Variants in ARHGAP42 observed in about 807,000 individuals in gnomAD.
ARHGAP42 encodes rho GTPase-activating protein 42.
A neutral mutation model predicts 125.0 loss-of-function variants in ARHGAP42; 63 were observed. The ratio of observed to expected loss-of-function variants is 0.50; its 90% confidence interval spans 0.41 to 0.62. The LOEUF is 0.62. ARHGAP42 is among the 20% of genes least tolerant of loss of function. The pLI, the probability that ARHGAP42 is intolerant of heterozygous loss-of-function variation, is 0.00. For missense variants in ARHGAP42, 766 were observed against 1,024.2 expected, an observed-to-expected ratio of 0.75 and a Z score of 3.44; for synonymous variants, 339 against 351.0, an observed-to-expected ratio of 0.97 and a Z score of 0.38.
chr11:100,822,342 A>T (rs17652307), intron 3 of ARHGAP42, among the ~76,000 whole-genome samples: 1 of 152,002 alleles, frequency 6.6e-6, no homozygotes, highest in Non-Finnish European at 1.5e-5. Flanking sequence ...TTAGTGTCCA[A>T]ATGAGTTTCT....
intron 1 of ARHGAP42, among the ~76,000 whole-genome samples, chr11:100,765,367 T>G (rs1591162664): frequency 1.3e-5 from 2 of 151,996 alleles, no homozygotes; most frequent in South Asian, 4.1e-4. Context: ...AGTGTGGCAA[T>G]GTGGTGAACT....
chr11:100,731,488 A>G (rs1425445305), intron 1 of ARHGAP42, among the ~76,000 whole-genome samples: 1 of 152,156 alleles, frequency 6.6e-6, no homozygotes, highest in Non-Finnish European at 1.5e-5. Flanking sequence ...CAACACAGTA[A>G]ATAACTTCAT....
intron 2 of ARHGAP42, among the ~76,000 whole-genome samples, chr11:100,785,499 A>T (rs1350686182): frequency 1.3e-5 from 2 of 152,226 alleles, no homozygotes; most frequent in Non-Finnish European, 2.9e-5. Context: ...TGTGAATTAC[A>T]GAGAAGAGGT....
intron 2 of ARHGAP42, among the ~76,000 whole-genome samples, chr11:100,793,389 A>C (rs1352670990): frequency 1.3e-5 from 2 of 152,188 alleles, no homozygotes; most frequent in African/African-American, 4.8e-5. Flanking sequence ...TTCTGAAGAG[A>C]TCTCTTTTAT....
chr11:100,901,021 G>T (rs1866531063), intron 4 of ARHGAP42, among the ~76,000 whole-genome samples: 1 of 152,104 alleles, frequency 6.6e-6, no homozygotes, highest in African/African-American at 2.4e-5. Flanking sequence ...CCCCATCTCT[G>T]TGGTTTTATC....
chr11:100,824,632 G>T (rs962136551), intron 3 of ARHGAP42, among the ~76,000 whole-genome samples: 1 of 152,194 alleles, frequency 6.6e-6, no homozygotes, highest in Non-Finnish European at 1.5e-5. Flanking sequence ...AGTGAAAAAT[G>T]TAGGGCTCTA....
At chr11:100,894,653 TTCACAA>T (rs1866300039) in intron 4 of ARHGAP42, among the ~76,000 whole-genome samples, 1 of 152,194 alleles carries the variant, frequency 6.6e-6, no homozygotes, top group African/African-American at 2.4e-5. Context: ...TCATGTTTGC[TTCACAA>T]GCAGACAGCT....
chr11:100,827,153 C>T (rs1565230905), intron 3 of ARHGAP42, among the ~76,000 whole-genome samples: 2 of 151,866 alleles, frequency 1.3e-5, no homozygotes, highest in Admixed American at 6.6e-5. Context: ...ACATGGGCTG[C>T]CACCACGCCC....
chr11:100,925,279 G>A (rs79712612), intron 6 of ARHGAP42, among the ~76,000 whole-genome samples: 13,922 of 151,974 alleles, frequency 0.092, 926 homozygotes, highest in Non-Finnish European at 0.13. Flanking sequence ...TCTAAGTTAG[G>A]ATGTGCTGTA....
chr11:100,761,113 C>T (rs1862691681), intron 1 of ARHGAP42, among the ~76,000 whole-genome samples: 1 of 151,358 alleles, frequency 6.6e-6, no homozygotes, highest in South Asian at 2.1e-4. Context: ...TATTGGGTAA[C>T]TTAGTATTTG....
chr11:100,698,330 G>A (rs1304706652), intron 1 of ARHGAP42, among the ~76,000 whole-genome samples: 1 of 152,188 alleles, frequency 6.6e-6, no homozygotes, highest in African/African-American at 2.4e-5. Context: ...AATTAGCTGG[G>A]TGTGGTGGTG....
At chr11:100,874,660 T>C (rs977537827) in intron 4 of ARHGAP42, among the ~76,000 whole-genome samples, 1 of 152,224 alleles carries the variant, frequency 6.6e-6, no homozygotes, top group African/African-American at 2.4e-5. Flanking sequence ...TTTGCCTTTT[T>C]CATTCTCTGC....
In ARHGAP42 at chr11:100,928,592, G is replaced by GA. The variant is rs1198455803; in HGVS notation, c.598-4554dup. Among the ~76,000 whole-genome samples, 12 of 142,688 alleles carry GA rather than the reference G, an allele frequency of 8.4e-5. No homozygotes were observed. The South Asian group carries it at 8.8e-4, about 10-fold the overall frequency. 93.6% of individuals were successfully genotyped at this position (142,688 alleles called of 152,430 possible). On this transcript the variant is annotated intron_variant, in intron 6 of 23. Transcript: ENST00000298815. ...AAGGGTGAGACCTTGTCTCAAAAAA[G>GA]AAAAAAAAAAGTCATAAAGATACAA...
chr11:100,895,366 T>C (rs1436201407), intron 4 of ARHGAP42, among the ~76,000 whole-genome samples: 2 of 152,192 alleles, frequency 1.3e-5, no homozygotes, highest in African/African-American at 4.8e-5. Flanking sequence ...TGTCTCTGTC[T>C]GTATTTCTCT....
intron 4 of ARHGAP42, among the ~76,000 whole-genome samples, chr11:100,889,616 G>A (rs1331821839): frequency 6.6e-6 from 1 of 152,104 alleles, no homozygotes; most frequent in Non-Finnish European, 1.5e-5. Context: ...TCCCATCTTA[G>A]CACATTTAAT....
intron 3 of ARHGAP42, among the ~76,000 whole-genome samples, chr11:100,819,877 C>T (rs1425144763): frequency 6.6e-6 from 1 of 152,094 alleles, no homozygotes; most frequent in African/African-American, 2.4e-5. Flanking sequence ...TTTAGGAATT[C>T]TTGATTTAAG....
chr11:100,821,666 CA>C (rs1864408774), intron 3 of ARHGAP42, among the ~76,000 whole-genome samples: 2 of 151,870 alleles, frequency 1.3e-5, no homozygotes, highest in Admixed American at 1.3e-4. Flanking sequence ...AAGAAAGCAG[CA>C]GACATCTTTC....
intron 6 of ARHGAP42, among the ~76,000 whole-genome samples, chr11:100,922,604 T>C (rs80296460): frequency 0.01 from 1,524 of 152,276 alleles, 22 homozygotes; most frequent in African/African-American, 0.034. Context: ...AAAAAATCCA[T>C]TCATAATAAA....
chr11:100,693,357 CA>C (rs1312248930), intron 1 of ARHGAP42, among the ~76,000 whole-genome samples: 1 of 152,118 alleles, frequency 6.6e-6, no homozygotes, highest in Non-Finnish European at 1.5e-5. Context: ...TTGCATCTTT[CA>C]GATGAGCTGT....
Sources: gnomAD v4.1 joint callset for allele counts (sites outside exome capture counted in the v4.1 genomes callset) on GRCh38, gnomAD v4.1.1 for gene constraint, MANE v1.5 for transcripts, NCBI Gene and HGNC (gene_info 2026-07-23, HGNC 2026-07-21) for gene names.